Variants in P2RY8 observed in about 807,000 individuals in gnomAD.
The protein encoded by P2RY8 is P2Y receptor family member 8, also known as S-geranylgeranyl-glutathione receptor P2RY8.
Under a neutral mutation model 10.0 loss-of-function variants are expected in P2RY8, and 6 were observed. The ratio of observed to expected loss-of-function variants is 0.60; its 90% CI spans 0.33 to 1.19. P2RY8 has a LOEUF of 1.19. P2RY8 is among the 50% of genes most tolerant of loss of function. P2RY8 has a pLI of 0.04. For missense variants in P2RY8, 456 were observed against 542.0 expected, an observed-to-expected ratio of 0.84 and a Z score of 1.58; for synonymous variants, 276 against 252.5, an observed-to-expected ratio of 1.09 and a Z score of -0.88.
chrX:1,518,255 G>C (rs1252546719), intron 1 of P2RY8, among the ~76,000 whole-genome samples: 7 of 150,242 alleles, frequency 4.7e-5, no homozygotes, highest in Admixed American at 4.6e-4. Context: ...GTGAAACCCC[G>C]TCTCTACTAA....
intron 1 of P2RY8, among the ~76,000 whole-genome samples, chrX:1,486,149 C>T (rs771675948): frequency 8.6e-4 from 131 of 152,278 alleles, no homozygotes; most frequent in Non-Finnish European, 1.2e-3. Flanking sequence ...ACCCGGGAGG[C>T]GGAGGTTGCA....
chrX:1,474,897 G>A (rs2091858143), intron 1 of P2RY8, among the ~76,000 whole-genome samples: 1 of 145,042 alleles, frequency 6.9e-6, no homozygotes, highest in Non-Finnish European at 1.5e-5. Context: ...TGGATGGATG[G>A]ATGGATGGAT....
chrX:1,503,955 C>G (rs2092204297), intron 1 of P2RY8, among the ~76,000 whole-genome samples: 1 of 152,024 alleles, frequency 6.6e-6, no homozygotes, highest in East Asian at 1.9e-4. Flanking sequence ...ACTGAATAGA[C>G]TGTAATCATG....
chrX:1,487,489 T>C (rs1423513900), intron 1 of P2RY8, among the ~76,000 whole-genome samples: 2 of 152,106 alleles, frequency 1.3e-5, no homozygotes, highest in Non-Finnish European at 2.9e-5. Flanking sequence ...GGCGTGGTGC[T>C]TGGGACCCAG....
intron 1 of P2RY8, among the ~76,000 whole-genome samples, chrX:1,476,829 C>A (rs1485219975): frequency 6.6e-6 from 1 of 152,124 alleles, no homozygotes; most frequent in African/African-American, 2.4e-5. Flanking sequence ...AGGGTCCCCA[C>A]CACAGAGAAG....
Position 1,466,652 on chromosome X carries a change from C to T in P2RY8, c.-24-70G>A. The T allele has an allele frequency of 9.8e-6, 14 of 1,426,188 alleles. No homozygotes were observed. In the South Asian group the frequency reaches 1.3e-4, roughly 14 times the overall value. 88.3% of individuals were successfully genotyped at this position (1,426,188 alleles called of 1,614,324 possible). A position where few individuals can be genotyped will look rare whatever the true frequency, so the allele number is the denominator to read the frequency against. ...AAAGAGGCGGCTGCCGGGAGGGCTC[C>T]TGAGCGCCGCTCCCCGGGGACCAAG... is the stretch of plus-strand genomic sequence containing the variant. On this transcript the variant is annotated intron_variant, in intron 1 of 1. Transcript: ENST00000381297.
chrX:1,498,220 C>A (rs1410166296), intron 1 of P2RY8, among the ~76,000 whole-genome samples: 2 of 151,636 alleles, frequency 1.3e-5, no homozygotes, highest in Non-Finnish European at 2.9e-5. Flanking sequence ...TCCTGGCCAA[C>A]ATGCTGAAAC....
At chrX:1,500,453 T>TG (rs2092166602) in intron 1 of P2RY8, among the ~76,000 whole-genome samples, 1 of 151,802 alleles carries the variant, frequency 6.6e-6, no homozygotes, top group African/African-American at 2.4e-5. Context: ...AATTTTTTTT[T>TG]TTGTTTTTTG....
intron 1 of P2RY8, among the ~76,000 whole-genome samples, chrX:1,468,778 TC>T (rs757632081): frequency 2.0e-3 from 1 of 490 alleles, no homozygotes; most frequent in Admixed American, 0.017. Context: ...CTCTCCCCTC[TC>T]CCTCTCCCCT....
chrX:1,485,294 C>G (rs770086986), intron 1 of P2RY8, among the ~76,000 whole-genome samples: 1 of 152,100 alleles, frequency 6.6e-6, no homozygotes, highest in East Asian at 1.9e-4. Context: ...TGCACCACCA[C>G]GCCCAGCTAC....
intron 1 of P2RY8, among the ~76,000 whole-genome samples, chrX:1,515,733 A>G (rs1428145844): frequency 2.6e-5 from 4 of 152,060 alleles, no homozygotes; most frequent in Non-Finnish European, 5.9e-5. Flanking sequence ...ACTCACTGCT[A>G]TTGTCTGAAG....
Position 1,465,808 on chromosome X carries a change from C to A in P2RY8, c.751G>T (p.Ala251Ser). 1.2e-6 allele frequency: 2 copies of A among 1,613,336 alleles called. No individual in the cohort carries two copies. The highest frequency in any genetic ancestry group is 1.7e-6 in the Non-Finnish European group (2 of 1,179,814). Residue 251 changes from alanine to serine, a missense_variant, in exon 2 of 2, where the codon GCC (alanine) becomes TCC (serine). Transcript: ENST00000381297. ...VVLLAFVTCF[A>S]PNNFVLLAHI... ...GCCAGGAGCACGAAGTTGTTGGGGGCGAAGCAGGTGACAAAGGCCAGCAAG... is the reference window on the plus strand; with the variant it reads ...GCCAGGAGCACGAAGTTGTTGGGGGAGAAGCAGGTGACAAAGGCCAGCAAG...
At chrX:1,485,262 C>A (rs754988726) in intron 1 of P2RY8, among the ~76,000 whole-genome samples, 3 of 151,962 alleles carry the variant, frequency 2.0e-5, no homozygotes, top group African/African-American at 7.3e-5. Context: ...CTCAGCCTCC[C>A]GAGTAGCTGG....
At chrX:1,482,635 C>T (rs1160765415) in intron 1 of P2RY8, among the ~76,000 whole-genome samples, 16 of 152,044 alleles carry the variant, frequency 1.1e-4, no homozygotes, top group Admixed American at 7.9e-4. Flanking sequence ...TTTAATCCAT[C>T]TTGAATTAAT....
At chrX:1,492,447 C>T (rs1434570818) in intron 1 of P2RY8, among the ~76,000 whole-genome samples, 1 of 152,124 alleles carries the variant, frequency 6.6e-6, no homozygotes, top group Non-Finnish European at 1.5e-5. Context: ...ACCAGAGACC[C>T]TCTTTCCATC....
At chrX:1,472,133 C>A (rs1213695673) in intron 1 of P2RY8, among the ~76,000 whole-genome samples, 1 of 151,998 alleles carries the variant, frequency 6.6e-6, no homozygotes, top group African/African-American at 2.4e-5. Flanking sequence ...TTGTCGTGGG[C>A]CACACCCTGG....
At chrX:1,493,443 G>GGA (rs2092084303) in intron 1 of P2RY8, among the ~76,000 whole-genome samples, 1 of 101,622 alleles carries the variant, frequency 9.8e-6, no homozygotes, top group African/African-American at 3.3e-5. Flanking sequence ...AGGGAAGGAG[G>GGA]AGGAAGGAGG....
intron 1 of P2RY8, among the ~76,000 whole-genome samples, chrX:1,529,929 A>T (rs1192276829): frequency 1.3e-5 from 2 of 151,784 alleles, no homozygotes; most frequent in East Asian, 1.9e-4. Flanking sequence ...TGCTCCTGGC[A>T]TCTGGTGGGT....
intron 1 of P2RY8, among the ~76,000 whole-genome samples, chrX:1,498,621 G>A (rs1254526495): frequency 6.6e-6 from 1 of 150,558 alleles, no homozygotes; most frequent in Non-Finnish European, 1.5e-5. Context: ...AGGTTCAAGC[G>A]ATTCTCCTGC....
Sources: allele counts gnomAD v4.1 joint callset (sites outside exome capture counted in the v4.1 genomes callset), GRCh38; gene constraint gnomAD v4.1.1; transcripts MANE v1.5; gene names NCBI Gene and HGNC (gene_info 2026-07-23, HGNC 2026-07-21).